Variants in C1orf174 observed in about 807,000 individuals in gnomAD.
The protein encoded by C1orf174 is UPF0688 protein C1orf174.
A neutral mutation model predicts 18.4 loss-of-function variants in C1orf174; 13 were observed. The observed-to-expected ratio is 0.71, with a 90% CI of 0.46 to 1.12. C1orf174 has a LOEUF of 1.12. Ranked by LOEUF, C1orf174 falls within the 50% of genes most tolerant of loss-of-function variation. The pLI, the probability that C1orf174 is intolerant of heterozygous loss-of-function variation, is 0.00. For synonymous variants in C1orf174, 100 were observed against 118.3 expected, an observed-to-expected ratio of 0.85 and a Z score of 1.01; for missense variants, 309 against 308.0, an observed-to-expected ratio of 1.00 and a Z score of -0.02.
At position 3,889,871 on chromosome 1, in the gene C1orf174, G is replaced by A. The variant is rs1638469526; in HGVS notation, c.*89C>T. On this transcript the variant is annotated 3_prime_UTR_variant, in exon 4 of 4. Coordinates refer to ENST00000361605, the MANE Select transcript of C1orf174 (RefSeq NM_207356.3). ...GAAGTTTGATTAAGACATTCTCTTG[G>A]AGATACATTTTATATAAATCTTGTA... 2 of 1,175,502 alleles carry A rather than the reference G, an allele frequency of 1.7e-6. No homozygotes were observed. Among genetic ancestry groups the A allele is most frequent in the African/African-American group, 3.0e-5 (2 of 66,028 alleles). The allele number at this position is 1,175,502 out of a possible 1,614,324, so 72.8% of individuals were successfully genotyped here. A position where few individuals can be genotyped will look rare whatever the true frequency, so the allele number is the denominator to read the frequency against.
intron 3 of C1orf174, 65 bp downstream of exon 3, chr1:3,890,504 G>C (rs1638485458): frequency 9.5e-6 from 15 of 1,586,038 alleles, no homozygotes; most frequent in Non-Finnish European, 1.3e-5. Context: ...TGAGTGGGGA[G>C]TGTGTGACCT....
At position 3,890,691 on chromosome 1, in the gene C1orf174, C is replaced by T. The variant is rs1043691169; in HGVS notation, c.496G>A (p.Gly166Arg). 3.1e-6 allele frequency: 5 copies of T among 1,614,056 alleles called. No homozygotes were observed. The highest frequency in any genetic ancestry group is 3.3e-5 in the Admixed American group (2 of 60,000). The stretch of plus-strand genomic sequence containing the variant: ...TTCTGCACATCCTCTGTCTGTAGCC[C>T]TGGCTCATTCTGCTTCTGCACAGTG... ...SSTVQKQNEP[G>R]LQTEDVQKPP... The change falls in exon 3 of 4, where the codon GGG becomes AGG. Residue 166 changes from glycine to arginine, a missense_variant. By Grantham distance (125) the Gly-to-Arg change is moderately radical. Transcript: ENST00000361605.
rs375941901 is a variant in C1orf174 at position 3,890,925 on chromosome 1, G to T, written c.262C>A (p.Pro88Thr). 1 of 1,614,082 alleles carries T rather than the reference G, an allele frequency of 6.2e-7. No homozygotes were observed. The highest frequency in any genetic ancestry group is 8.5e-7 in the Non-Finnish European group (1 of 1,180,044). ...NDSASLPKVT[P>T]ETPCENEFAE... ...AACTCATTTTCACAAGGGGTCTCAG[G>T]TGTCACTTTTGGCAAAGAAGCGCTG... Residue 88 changes from proline (P) to threonine (T), a missense_variant, in exon 3 of 4, where the codon CCT (proline) becomes ACT (threonine). Physicochemically the swap from Pro to Thr is conservative, Grantham distance 38. Transcript: ENST00000361605.
At chr1:3,893,024 G>C (rs1179127637) in intron 1 of C1orf174, 28 bp from the exon 2 acceptor site, 2 of 1,607,218 alleles carry the variant, frequency 1.2e-6, no homozygotes, top group South Asian at 2.2e-5. Flanking sequence ...CACTCAGAGA[G>C]TGCTCTCAGG....
intron 1 of C1orf174, 63 bp from the exon 2 acceptor site, chr1:3,893,059 G>A (rs1488104410): frequency 1.9e-6 from 3 of 1,559,776 alleles, no homozygotes. Context: ...ATGTAGACGA[G>A]AATTTCCCAC....
Position 3,893,875 on chromosome 1 carries a change from G to A in C1orf174, c.16-879C>T, listed in dbSNP as rs114492528. On this transcript the variant is annotated intron_variant, in intron 1 of 3. Transcript: ENST00000361605. ...CTGCACCACTGCACTCCACCTGGGT[G>A]ACAGAGTGAGACAGTGTCTCTGAAA... Among the ~76,000 whole-genome samples the A allele has an allele frequency of 5.3e-3, 807 of 152,308 alleles. 8 individuals carry two copies. Among genetic ancestry groups the A allele is most frequent in the African/African-American group, 0.018 (762 of 41,552 alleles).
intron 1 of C1orf174, among the ~76,000 whole-genome samples, chr1:3,899,534 G>C (rs147346819): frequency 7.9e-4 from 120 of 152,226 alleles, no homozygotes; most frequent in African/African-American, 2.6e-3. Flanking sequence ...CCTCTTGGTG[G>C]ATCCCTCATC....
intron 1 of C1orf174, among the ~76,000 whole-genome samples, chr1:3,894,903 G>C (rs959889653): frequency 6.6e-6 from 1 of 152,234 alleles, no homozygotes; most frequent in African/African-American, 2.4e-5. Context: ...GAGAGCCCCG[G>C]CAGACGTCAT....
In C1orf174 at chr1:3,898,516, AAACAACAAC is replaced by A. The variant is rs774183697; in HGVS notation, c.15+1647_15+1655del. Among the ~76,000 whole-genome samples the A allele has an allele frequency of 1.9e-4, 27 of 139,322 alleles. No homozygotes were observed. In the East Asian group the frequency reaches 3.1e-3, roughly 16 times the overall value. The allele number at this position is 139,322 out of a possible 152,430, so 91.4% of individuals were successfully genotyped here. On this transcript the variant is annotated intron_variant, in intron 1 of 3. Coordinates refer to ENST00000361605, the MANE Select transcript of C1orf174 (RefSeq NM_207356.3). ...GAGTGAGACTCTGGTCTCAAAGCAA[AAACAACAAC>A]AACAACAACAACAACAACAACAACA...
rs746778461 is a variant in C1orf174, at chr1:3,900,204, C to T, written c.-18G>A. The T allele has an allele frequency of 1.3e-6, 2 of 1,573,516 alleles. No individual in the cohort carries two copies. Among genetic ancestry groups the T allele is most frequent in the African/African-American group, 1.4e-5 (1 of 71,680 alleles). On this transcript the variant is annotated 5_prime_UTR_variant, in exon 1 of 4. Coordinates refer to ENST00000361605, the MANE Select transcript of C1orf174 (RefSeq NM_207356.3). ...CTCCTCATGAGTGTGAGCACCGCAG[C>T]CAAGCACCGCGCGCCCCGGCCAACG...
intron 1 of C1orf174, among the ~76,000 whole-genome samples, chr1:3,898,531 C>CAA (rs1553174179): frequency 8.6e-5 from 12 of 139,382 alleles, no homozygotes; most frequent in African/African-American, 3.4e-4. Flanking sequence ...ACAACAACAA[C>CAA]AACAACAACA....
At chr1:3,893,784 C>A (rs1484367834) in intron 1 of C1orf174, among the ~76,000 whole-genome samples, 1 of 152,110 alleles carries the variant, frequency 6.6e-6, no homozygotes, top group Non-Finnish European at 1.5e-5. Flanking sequence ...GTAGTCCCAG[C>A]TATGTGGGAG....
chr1:3,891,521 AT>A, intron 2 of C1orf174: 1 of 920,126 alleles, frequency 1.1e-6, no homozygotes, highest in Non-Finnish European at 1.3e-6. Context: ...CTTCGACAAA[AT>A]TTTACCAAGC....
chr1:3,891,157 A>G, intron 2 of C1orf174, 100 bp from the exon 3 acceptor site: 1 of 1,402,154 alleles, frequency 7.1e-7, no homozygotes, highest in Non-Finnish European at 9.6e-7. Flanking sequence ...GAAATGATAA[A>G]GATGCTGTGA....
chr1:3,891,787 C>A, intron 2 of C1orf174: 2 of 986,306 alleles, frequency 2.0e-6, no homozygotes, highest in Non-Finnish European at 1.2e-6. Flanking sequence ...ACGCTAAGAG[C>A]AGAGCGATGA....
At chr1:3,893,364 T>A (rs1414128113) in intron 1 of C1orf174, among the ~76,000 whole-genome samples, 1 of 152,124 alleles carries the variant, frequency 6.6e-6, no homozygotes, top group Admixed American at 6.5e-5. Flanking sequence ...TCAAAGTTTT[T>A]AAAAAAAGGT....
chr1:3,890,689 C>A lies in C1orf174; in HGVS notation c.498G>T (p.Gly166=). The A allele has an allele frequency of 6.2e-7, 1 of 1,614,136 alleles. No individual in the cohort carries two copies. The highest frequency in any genetic ancestry group is 2.2e-5 in the East Asian group (1 of 44,876). Residue 166 remains glycine (G), a synonymous_variant, in exon 3 of 4, where the codon GGG becomes GGT. Transcript: ENST00000361605. ...SSTVQKQNEP[G]LQTEDVQKPP... ...GCTTCTGCACATCCTCTGTCTGTAG[C>A]CCTGGCTCATTCTGCTTCTGCACAG...
intron 1 of C1orf174, among the ~76,000 whole-genome samples, chr1:3,899,150 A>G (rs1261768871): frequency 6.6e-6 from 1 of 152,232 alleles, no homozygotes; most frequent in Non-Finnish European, 1.5e-5. Flanking sequence ...AGACTTGTAT[A>G]AAGAAAAGAA....
chr1:3,896,319 A>C (rs928816856), intron 1 of C1orf174: 5 of 152,734 alleles, frequency 3.3e-5, no homozygotes, highest in African/African-American at 1.2e-4. Context: ...GGCTCCGCCC[A>C]GTGAACGGAG....
Sources: allele counts gnomAD v4.1 joint callset (sites outside exome capture counted in the v4.1 genomes callset), GRCh38; gene constraint gnomAD v4.1.1; transcripts MANE v1.5; gene names NCBI Gene and HGNC (gene_info 2026-07-23, HGNC 2026-07-21).